ANKS1B: variants seen among roughly 807,000 people sequenced by gnomAD.
ANKS1B encodes the protein ankyrin repeat and sterile alpha motif domain containing 1B.
ANKS1B carries 36 observed loss-of-function variants against 148.3 expected under a neutral mutation model. The observed-to-expected ratio is 0.24, with a 90% CI of 0.19 to 0.32. The LOEUF (loss-of-function observed/expected upper bound fraction) is 0.32, where lower values mean the gene tolerates loss of function less well. Ranked by LOEUF, ANKS1B falls within the 10% of genes least tolerant of loss-of-function variation. The pLI, the probability that ANKS1B is intolerant of heterozygous loss-of-function variation, is 1.00. For synonymous variants in ANKS1B, 542 were observed against 560.8 expected, an observed-to-expected ratio of 0.97 and a Z score of 0.47; for missense variants, 1,157 against 1,542.6, an observed-to-expected ratio of 0.75 and a Z score of 4.19.
chr12:99,595,786 T>C (rs533521918), intron 9 of ANKS1B, among the ~76,000 whole-genome samples: 1 of 152,106 alleles, frequency 6.6e-6, no homozygotes, highest in African/African-American at 2.4e-5. Flanking sequence ...GCATAGTACA[T>C]AGCATACATC....
intron 17 of ANKS1B, among the ~76,000 whole-genome samples, chr12:98,946,014 G>A (rs766802526): frequency 1.3e-5 from 2 of 152,170 alleles, no homozygotes; most frequent in Non-Finnish European, 2.9e-5. Flanking sequence ...AAATGACCAC[G>A]TGGTTGAGGT....
chr12:99,435,937 C>T (rs867099581), intron 11 of ANKS1B, among the ~76,000 whole-genome samples: 4 of 151,988 alleles, frequency 2.6e-5, no homozygotes, highest in African/African-American at 7.2e-5. Context: ...TATTTGTCAA[C>T]GTTGACTGTT....
intron 9 of ANKS1B, among the ~76,000 whole-genome samples, chr12:99,650,874 GAGTCTAAAGTA>G (rs371645065): frequency 9.9e-4 from 146 of 146,860 alleles, no homozygotes; most frequent in Non-Finnish European, 1.9e-3. Flanking sequence ...AAGTCTGCTC[GAGTCTAAAGTA>G]ATACATCACA....
intron 12 of ANKS1B, among the ~76,000 whole-genome samples, chr12:99,358,526 T>C (rs2092220154): frequency 6.6e-6 from 1 of 152,122 alleles, no homozygotes. Flanking sequence ...GTTTAATTCA[T>C]TACATTTTCA....
intron 14 of ANKS1B, among the ~76,000 whole-genome samples, chr12:99,204,612 G>T (rs766729935): frequency 2.0e-5 from 3 of 152,198 alleles, no homozygotes; most frequent in Non-Finnish European, 4.4e-5. Flanking sequence ...AAATGCAGGC[G>T]TGTGCTTGAA....
intron 17 of ANKS1B, among the ~76,000 whole-genome samples, chr12:98,848,520 A>G (rs919591074): frequency 1.3e-5 from 2 of 151,150 alleles, no homozygotes; most frequent in South Asian, 2.1e-4. Context: ...TCTCCCTGAA[A>G]TCCCTGGTTC....
chr12:99,238,022 C>G (rs568858804), intron 14 of ANKS1B, among the ~76,000 whole-genome samples: 1 of 152,204 alleles, frequency 6.6e-6, no homozygotes, highest in East Asian at 1.9e-4. Context: ...AACTGAGGTA[C>G]CTGGTTCATC....
chr12:99,089,897 T>C (rs1001844136), intron 15 of ANKS1B, among the ~76,000 whole-genome samples: 4 of 152,192 alleles, frequency 2.6e-5, no homozygotes, highest in Admixed American at 6.5e-5. Context: ...AATAAAGTTG[T>C]TTAGTTAATG....
At chr12:99,432,879 C>T (rs185020290) in intron 11 of ANKS1B, among the ~76,000 whole-genome samples, 36 of 152,054 alleles carry the variant, frequency 2.4e-4, no homozygotes, top group African/African-American at 6.3e-4. Flanking sequence ...ACGTGGAGAA[C>T]GGTAGGAGAT....
intron 1 of ANKS1B, among the ~76,000 whole-genome samples, chr12:99,871,956 A>C (rs1233020739): frequency 6.6e-6 from 1 of 152,126 alleles, no homozygotes; most frequent in Non-Finnish European, 1.5e-5. Flanking sequence ...CTTAAATTGA[A>C]TACAAAAAAC....
At chr12:99,645,861 T>C (rs2098357229) in intron 9 of ANKS1B, among the ~76,000 whole-genome samples, 1 of 152,176 alleles carries the variant, frequency 6.6e-6, no homozygotes, top group Non-Finnish European at 1.5e-5. Context: ...TGAAAGAGGT[T>C]CCACCGTTGT....
At chr12:99,902,016 T>C (rs1565961092) in intron 1 of ANKS1B, among the ~76,000 whole-genome samples, 1 of 152,158 alleles carries the variant, frequency 6.6e-6, no homozygotes, top group Non-Finnish European at 1.5e-5. Flanking sequence ...ATAGAAAAGG[T>C]CAATATCCTC....
intron 5 of ANKS1B, among the ~76,000 whole-genome samples, chr12:99,780,238 C>G (rs938972674): frequency 6.6e-6 from 1 of 152,106 alleles, no homozygotes; most frequent in African/African-American, 2.4e-5. Flanking sequence ...TCTTAAAGGG[C>G]ACTGACCCAA....
chr12:99,088,022 C>A (rs181205261), intron 15 of ANKS1B, among the ~76,000 whole-genome samples: 3 of 152,124 alleles, frequency 2.0e-5, no homozygotes, highest in Admixed American at 2.0e-4. Flanking sequence ...CTTTTTGAGC[C>A]AAATTTCCTA....
At chr12:99,318,521 T>C (rs1229300854) in intron 12 of ANKS1B, among the ~76,000 whole-genome samples, 2 of 152,194 alleles carry the variant, frequency 1.3e-5, no homozygotes, top group African/African-American at 4.8e-5. Context: ...TGATATCCCC[T>C]TTATCATTTT....
Position 98,744,981 on chromosome 12 carries a change from A to C in ANKS1B, c.*758T>G, listed in dbSNP as rs958513783. ...TTAATTATTTGAAATGAAACCAGAAACATCCCTCGCAACTAACCTAGTTTT... is the reference window on the plus strand; with the variant it reads ...TTAATTATTTGAAATGAAACCAGAACCATCCCTCGCAACTAACCTAGTTTT... On this transcript the variant is annotated 3_prime_UTR_variant, in exon 27 of 27. Transcript: ENST00000683438. 3.0e-5 allele frequency: 30 copies of C among 985,710 alleles called. No homozygotes were observed. The highest frequency in any genetic ancestry group is 3.5e-5 in the Non-Finnish European group (29 of 829,938). The allele number at this position is 985,710 out of a possible 1,614,324, so 61.1% of individuals were successfully genotyped here.
intron 17 of ANKS1B, among the ~76,000 whole-genome samples, chr12:98,899,842 C>T (rs1239983060): frequency 6.6e-6 from 1 of 152,222 alleles, no homozygotes; most frequent in Non-Finnish European, 1.5e-5. Context: ...TTGAACATCT[C>T]TCACATTTAT....
At chr12:99,612,774 T>C (rs2097913414) in intron 9 of ANKS1B, among the ~76,000 whole-genome samples, 1 of 152,138 alleles carries the variant, frequency 6.6e-6, no homozygotes, top group Non-Finnish European at 1.5e-5. Context: ...CCTGAAACAT[T>C]AAAACATTAT....
At chr12:99,391,073 G>A (rs978116581) in intron 12 of ANKS1B, among the ~76,000 whole-genome samples, 6 of 152,126 alleles carry the variant, frequency 3.9e-5, no homozygotes, top group Non-Finnish European at 5.9e-5. Flanking sequence ...GTGTCTCTCC[G>A]GCCCCATGTA....
Sources: allele counts gnomAD v4.1 joint callset (sites outside exome capture counted in the v4.1 genomes callset), GRCh38; gene constraint gnomAD v4.1.1; transcripts MANE v1.5; gene names NCBI Gene and HGNC (gene_info 2026-07-23, HGNC 2026-07-21).